Variants in KIF21B observed in about 807,000 individuals in gnomAD.
KIF21B encodes the protein kinesin family member 21B.
A neutral mutation model predicts 192.9 loss-of-function variants in KIF21B; 85 were observed. The ratio of observed to expected loss-of-function variants is 0.44; its 90% CI spans 0.37 to 0.53. The LOEUF is 0.53. Ranked by LOEUF, KIF21B falls within the 20% of genes least tolerant of loss-of-function variation. KIF21B has a pLI of 0.00. For synonymous variants in KIF21B, 832 were observed against 884.6 expected, an observed-to-expected ratio of 0.94 and a Z score of 1.05; for missense variants, 1,716 against 2,194.8, an observed-to-expected ratio of 0.78 and a Z score of 4.36.
chr1:201,004,910 A>G lies in KIF21B; in HGVS notation c.756T>C (p.Leu252=), dbSNP rs550335707. ...PDLVNEAVTG[L]PDGTPPSSEY... ...CACTCGAGGGAGGTGTACCATCAGGAAGCCCAGTCACCGCCTCATTCACCT... is the reference window on the plus strand; with the variant it reads ...CACTCGAGGGAGGTGTACCATCAGGGAGCCCAGTCACCGCCTCATTCACCT... The change falls in exon 6 of 35, where the codon CTT becomes CTC. Residue 252 remains leucine (L), a synonymous_variant. Transcript: ENST00000461742. The G allele has an allele frequency of 2.5e-6, 4 of 1,609,228 alleles. No homozygotes were observed. Among genetic ancestry groups the G allele is most frequent in the Non-Finnish European group, 3.4e-6 (4 of 1,175,830 alleles).
rs1655495622 is a variant in KIF21B, at chr1:200,975,612, G to T, written c.4501C>A (p.Pro1501Thr). ...GTIGPTHNFE[P>T]PHYDGIECLA... ...CACTCGATGCCATCGTAGTGCGGGG[G>T]CTCGAAGTTGTGAGTGGGGCCGATG... is the stretch of plus-strand genomic sequence containing the variant. The change falls in exon 33 of 35, where the codon CCC becomes ACC. Residue 1501 changes from proline to threonine, a missense_variant. Pro to Thr is a conservative substitution (Grantham distance 38, BLOSUM62 -1). Around this residue, in one of 3 missense-constraint regions of KIF21B, gnomAD observed 580 missense variants for 775.5 expected, o/e 0.75. Transcript: ENST00000461742. This position sits in a 1 kb window ranked among gnomAD's most constrained non-coding sequence, Gnocchi z 4.3. 1 of 1,613,998 alleles carries T rather than the reference G, an allele frequency of 6.2e-7. No individual in the cohort carries two copies. Among genetic ancestry groups the T allele is most frequent in the Non-Finnish European group, 8.5e-7 (1 of 1,179,878 alleles).
At position 200,998,629 on chromosome 1, in the gene KIF21B, GAGC is replaced by G. The variant is rs1657238853; in HGVS notation, c.1886-57_1886-55del. On this transcript the variant is annotated intron_variant, in intron 13 of 34. Coordinates refer to ENST00000461742, the MANE Select transcript of KIF21B (RefSeq NM_001252102.2). The surrounding 1 kb of genome is among the most constrained non-coding windows in gnomAD (Gnocchi z 4.3). ...GCGTTAGGGCGAGGGGCAAATTGGG[GAGC>G]AGATGTGCCAGTGCTGGGGAGCTGG... 1 of 1,543,554 alleles carries G rather than the reference GAGC, an allele frequency of 6.5e-7. No homozygotes were observed.
chr1:201,020,313 G>T, intron 1 of KIF21B, among the ~76,000 whole-genome samples: 1 of 151,888 alleles, frequency 6.6e-6, no homozygotes, highest in East Asian at 1.9e-4. Flanking sequence ...CCCCTTTCTC[G>T]CCCCATTTGT....
intron 26 of KIF21B, 77 bp from the exon 27 acceptor site, chr1:200,985,049 C>G: frequency 9.6e-7 from 1 of 1,045,420 alleles, no homozygotes; most frequent in South Asian, 1.5e-5. Context: ...TGGGCTTCCA[C>G]CTTCTGCCTT....
chr1:201,007,596 A>G (rs1241760804), intron 3 of KIF21B, among the ~76,000 whole-genome samples: 2 of 151,358 alleles, frequency 1.3e-5, no homozygotes, highest in Non-Finnish European at 3.0e-5. Context: ...ATAGACACAG[A>G]GACACACACA....
At chr1:200,974,197 G>T (rs925460956) in intron 34 of KIF21B, 1 of 1,548,534 alleles carries the variant, frequency 6.5e-7, no homozygotes, top group East Asian at 2.3e-5. Context: ...GGCAGTCACT[G>T]TGTGGGGAGA....
chr1:200,977,507 GA>G, intron 30 of KIF21B, 131 bp from the exon 31 acceptor site: 1 of 1,114,336 alleles, frequency 9.0e-7, no homozygotes, highest in Non-Finnish European at 1.3e-6. Context: ...GACTGACAGA[GA>G]AGAGCAATAG....
At position 200,978,118 on chromosome 1, in the gene KIF21B, C is replaced by T. The variant is rs528812932; in HGVS notation, c.4161-742G>A. ...AGGCTGGAGTGCAATGGTGTGATCTCGGCTCACTGCAATCTCTGCCTCCCA... is the reference window on the plus strand; with the variant it reads ...AGGCTGGAGTGCAATGGTGTGATCTTGGCTCACTGCAATCTCTGCCTCCCA... On this transcript the variant is annotated intron_variant, in intron 30 of 34. Coordinates refer to ENST00000461742, the MANE Select transcript of KIF21B (RefSeq NM_001252102.2). Among the ~76,000 whole-genome samples, 8 of 150,842 alleles carry T rather than the reference C, an allele frequency of 5.3e-5. No homozygotes were observed. In the East Asian group the frequency reaches 9.9e-4, roughly 19 times the overall value.
At chr1:200,984,397 G>A (rs1571919891) in intron 27 of KIF21B, among the ~76,000 whole-genome samples, 4 of 152,352 alleles carry the variant, frequency 2.6e-5, no homozygotes, top group Admixed American at 2.6e-4. Context: ...ATCAGGAGCT[G>A]TGAATATAGG....
In KIF21B at chr1:200,986,891, C is replaced by T. The variant is rs763168792; in HGVS notation, c.3642G>A (p.Thr1214=). The change falls in exon 26 of 35, where the codon ACG becomes ACA. Residue 1214 remains threonine (T), a synonymous_variant. Coordinates refer to ENST00000461742, the MANE Select transcript of KIF21B (RefSeq NM_001252102.2). ...AGGACTTCCTTCTCGTCAGCGGGGA[C>T]GTCTCTGTGGCTCGAGATTGCCTAG... The part of the protein sequence containing the change: ...TFPRQSRATE[T]SPLTRRKSYD... 28 of 1,613,800 alleles carry T rather than the reference C, an allele frequency of 1.7e-5. No individual in the cohort carries two copies. Among genetic ancestry groups the T allele is most frequent in the Middle Eastern group, 3.3e-4 (2 of 6,084 alleles).
chr1:201,006,367 A>T (rs1012216993), intron 3 of KIF21B, among the ~76,000 whole-genome samples: 3 of 152,148 alleles, frequency 2.0e-5, no homozygotes, highest in Non-Finnish European at 4.4e-5. Context: ...GGAAAGTGTC[A>T]CCTGCTGAAG....
chr1:201,005,020 C>G, intron 5 of KIF21B, 87 bp from the exon 6 acceptor site: 1 of 1,437,074 alleles, frequency 7.0e-7, no homozygotes, highest in Non-Finnish European at 9.6e-7. Context: ...GGGAGAGGCA[C>G]GGTGGACGGC....
chr1:201,007,163 GAC>G (rs1318938192), intron 3 of KIF21B, among the ~76,000 whole-genome samples: 1 of 97,886 alleles, frequency 1.0e-5, no homozygotes, highest in Non-Finnish European at 2.1e-5. Context: ...CGGACACAGA[GAC>G]ACACAGACAC....
In KIF21B at chr1:200,979,618, G is replaced by T. The variant is rs1414879600; in HGVS notation, c.4077C>A (p.His1359Gln). 3 of 1,592,516 alleles carry T rather than the reference G, an allele frequency of 1.9e-6. No individual in the cohort carries two copies. Among genetic ancestry groups the T allele is most frequent in the Non-Finnish European group, 1.7e-6 (2 of 1,169,846 alleles). ...NNVVSIKYCS[H>Q]SGLVFSVSTS... Reference sequence around the variant, plus strand: ...TGGACACGGAGAACACAAGCCCCGAGTGGCTGCAGTACTTGATGGAGACCA... The same window carrying T: ...TGGACACGGAGAACACAAGCCCCGATTGGCTGCAGTACTTGATGGAGACCA... The change falls in exon 30 of 35, where the codon CAC becomes CAA. Residue 1359 changes from histidine (H) to glutamine (Q), a missense_variant. Coordinates refer to ENST00000461742, the MANE Select transcript of KIF21B (RefSeq NM_001252102.2).
intron 27 of KIF21B, among the ~76,000 whole-genome samples, chr1:200,984,406 G>A (rs1178647851): frequency 1.3e-5 from 2 of 152,204 alleles, no homozygotes; most frequent in Non-Finnish European, 2.9e-5. Context: ...TGTGAATATA[G>A]GTGGACCTGA....
chr1:201,005,461 G>A lies in KIF21B; in HGVS notation c.598-19C>T. The A allele has an allele frequency of 6.2e-7, 1 of 1,600,914 alleles. No homozygotes were observed. The highest frequency in any genetic ancestry group is 8.5e-7 in the Non-Finnish European group (1 of 1,171,926). ...GGATCAGCTGGAAACAGAAGCAGAAGTGAGGGCTTGGGACTACCGTGGTGC... is the reference window on the plus strand; with the variant it reads ...GGATCAGCTGGAAACAGAAGCAGAAATGAGGGCTTGGGACTACCGTGGTGC... On this transcript the variant is annotated intron_variant, in intron 4 of 34. Transcript: ENST00000461742.
At chr1:200,977,114 A>G in intron 31 of KIF21B, 98 bp downstream of exon 31, 1 of 1,403,154 alleles carries the variant, frequency 7.1e-7, no homozygotes, top group South Asian at 1.3e-5. Flanking sequence ...GGTGTTGCTG[A>G]GGTCCTACCC....
chr1:200,991,187 G>T (rs769175714), intron 17 of KIF21B, 38 bp from the exon 18 acceptor site: 2 of 1,561,872 alleles, frequency 1.3e-6, no homozygotes, highest in East Asian at 4.6e-5. Context: ...CCGGTGAGCA[G>T]GGTGGCCTGG....
In KIF21B at chr1:200,975,587, C is replaced by A; in HGVS notation, c.4526G>T (p.Cys1509Phe). ...FEPPHYDGIE[C>F]LAIQGDILFS... is the part of the protein sequence containing the mutation. ...CAGGATGTCTCCCTGGATGGCGAGA[C>A]ACTCGATGCCATCGTAGTGCGGGGG... The change falls in exon 33 of 35, where the codon TGT becomes TTT. Residue 1509 changes from cysteine to phenylalanine, a missense_variant. Around this residue, in one of 3 missense-constraint regions of KIF21B, gnomAD observed 580 missense variants for 775.5 expected, o/e 0.75. Coordinates refer to ENST00000461742, the MANE Select transcript of KIF21B (RefSeq NM_001252102.2). This position sits in a 1 kb window ranked among gnomAD's most constrained non-coding sequence, Gnocchi z 4.3. The A allele has an allele frequency of 6.2e-7, 1 of 1,614,108 alleles. No individual in the cohort carries two copies.
Sources: gnomAD v4.1 joint callset for allele counts (sites outside exome capture counted in the v4.1 genomes callset) on GRCh38, gnomAD v4.1.1 for gene constraint, gnomAD v4.1.1 regional missense constraint, Gnocchi (gnomAD v3.1) non-coding constraint, MANE v1.5 for transcripts, NCBI Gene and HGNC (gene_info 2026-07-23, HGNC 2026-07-21) for gene names.